Variants in FBXL2 observed in about 807,000 individuals in gnomAD.
FBXL2 encodes F-box/LRR-repeat protein 2.
Under a neutral mutation model 69.2 loss-of-function variants are expected in FBXL2, and 38 were observed. That is an observed-to-expected ratio of 0.55 (90% CI 0.42 to 0.72). The LOEUF is 0.72. FBXL2 is among the 30% of genes least tolerant of loss of function. FBXL2 has a pLI of 0.00. For synonymous variants in FBXL2, 192 were observed against 201.3 expected (o/e 0.95, Z 0.39); for missense variants, 354 against 520.3 (o/e 0.68, Z 3.11).
intron 2 of FBXL2, chr3:33,297,954 T>G (rs1253610444): frequency 1.8e-6 from 1 of 565,430 alleles, no homozygotes; most frequent in Non-Finnish European, 3.3e-6. Flanking sequence ...GGATTCTTTT[T>G]GTAATGTGGT....
chr3:33,371,350 T>TA (rs1472129628), intron 5 of FBXL2, among the ~76,000 whole-genome samples: 1 of 147,810 alleles, frequency 6.8e-6, no homozygotes. Context: ...TTTTTTTTTT[T>TA]AGTAGAGACA....
chr3:33,395,267 A>G (rs2043929451), intron 12 of FBXL2, among the ~76,000 whole-genome samples: 1 of 151,784 alleles, frequency 6.6e-6, no homozygotes, highest in Admixed American at 6.6e-5. Flanking sequence ...ACCACAAGAC[A>G]TTTTTCAGAG....
chr3:33,378,834 G>A (rs775304700), intron 13 of FBXL2, 93 bp downstream of exon 13: 1 of 1,605,836 alleles, frequency 6.2e-7, no homozygotes. Context: ...CTTTCTGTAA[G>A]GTATCATCTC....
chr3:33,392,739 T>G, downstream of FBXL2: 1 of 857,600 alleles, frequency 1.2e-6, no homozygotes. Flanking sequence ...CGATAATTCA[T>G]GAAGGCAGTG....
chr3:33,364,536 A>C (rs2041830630), intron 4 of FBXL2, 89 bp from the exon 5 acceptor site: 1 of 1,137,980 alleles, frequency 8.8e-7, no homozygotes, highest in South Asian at 1.3e-5. Flanking sequence ...GGAAAAATAT[A>C]TTCAGTTCCT....
In FBXL2 at chr3:33,387,642, A is replaced by C. The variant is rs1264274926; in HGVS notation, c.*2034A>C. On this transcript the variant is annotated 3_prime_UTR_variant, in exon 15 of 15. Coordinates refer to ENST00000484457, the MANE Select transcript of FBXL2 (RefSeq NM_012157.5). ...CAAAACAAACAAACAAACAAAACAA[A>C]CCACCAGAGCCTTCTATACATGATT... 1 of 144,460 alleles carries C rather than the reference A, an allele frequency of 6.9e-6. No homozygotes were observed. Among genetic ancestry groups the C allele is most frequent in the Non-Finnish European group, 1.5e-5 (1 of 65,700 alleles). 8.9% of individuals were successfully genotyped at this position (144,460 alleles called of 1,614,324 possible).
chr3:33,295,830 T>G (rs937183808), intron 1 of FBXL2, among the ~76,000 whole-genome samples: 7 of 152,242 alleles, frequency 4.6e-5, no homozygotes, highest in African/African-American at 1.7e-4. Context: ...TACCCTTACG[T>G]TGAACATCTT....
chr3:33,416,663 TACA>T, the FBXL2 span: 22 of 972,788 alleles, frequency 2.3e-5, no homozygotes, highest in Non-Finnish European at 3.2e-5. Flanking sequence ...AAAGTTGTAA[TACA>T]ACAATTATTG....
At chr3:33,336,985 GCCTGA>G (rs1258376766) in intron 2 of FBXL2, among the ~76,000 whole-genome samples, 1 of 151,918 alleles carries the variant, frequency 6.6e-6, no homozygotes, top group East Asian at 1.9e-4. Flanking sequence ...TGGGCGGATT[GCCTGA>G]GCTCAGGAGT....
chr3:33,410,602 T>C, the FBXL2 span, among the ~76,000 whole-genome samples: 8 of 152,242 alleles, frequency 5.3e-5, no homozygotes. Context: ...TTTCCTTTTC[T>C]ATATATTACC....
At chr3:33,285,446 C>G (rs1174227252) in intron 1 of FBXL2, among the ~76,000 whole-genome samples, 1 of 152,148 alleles carries the variant, frequency 6.6e-6, no homozygotes, top group Non-Finnish European at 1.5e-5. Flanking sequence ...GTGGGTAACC[C>G]GACCTTTCTC....
chr3:33,317,923 CAGCCCAT>C, intron 2 of FBXL2, among the ~76,000 whole-genome samples: 1 of 152,152 alleles, frequency 6.6e-6, no homozygotes, highest in South Asian at 2.1e-4. Context: ...TAGGGATACT[CAGCCCAT>C]ACTTATTTCA....
chr3:33,349,223 G>T (rs2040659899), intron 2 of FBXL2, among the ~76,000 whole-genome samples: 3 of 152,164 alleles, frequency 2.0e-5, no homozygotes, highest in Non-Finnish European at 4.4e-5. Flanking sequence ...CATTCAGTAT[G>T]ATACTAGCTG....
chr3:33,409,388 C>G, the FBXL2 span: 2 of 1,613,892 alleles, frequency 1.2e-6, no homozygotes, highest in Non-Finnish European at 1.7e-6. Flanking sequence ...AGGCTGCAGA[C>G]ACACAGCTTT....
At chr3:33,317,919 TAC>T in intron 2 of FBXL2, among the ~76,000 whole-genome samples, 1 of 152,240 alleles carries the variant, frequency 6.6e-6, no homozygotes, top group South Asian at 2.1e-4. Flanking sequence ...GGATTAGGGA[TAC>T]TCAGCCCATA....
In FBXL2 at chr3:33,341,217, C is replaced by G. The variant is rs761483977; in HGVS notation, c.66-17750C>G. Among the ~76,000 whole-genome samples the G allele has an allele frequency of 6.5e-4, 99 of 152,086 alleles. 1 individual carries two copies. Among genetic ancestry groups the G allele is most frequent in the Non-Finnish European group, 3.5e-4 (24 of 68,018 alleles). On this transcript the variant is annotated intron_variant, in intron 2 of 14. Coordinates refer to ENST00000484457, the MANE Select transcript of FBXL2 (RefSeq NM_012157.5). ...CTGAAATTGATCAATTTTATAGATC[C>G]AACTACCAATTTGTAGAAAATACAG...
chr3:33,302,842 G>A (rs578228303), intron 2 of FBXL2, among the ~76,000 whole-genome samples: 2 of 152,274 alleles, frequency 1.3e-5, no homozygotes, highest in South Asian at 4.1e-4. Flanking sequence ...AACAGTTTTA[G>A]TAGTTGAATT....
intron 4 of FBXL2, among the ~76,000 whole-genome samples, chr3:33,363,375 T>C (rs1027156745): frequency 1.9e-4 from 29 of 152,352 alleles, no homozygotes; most frequent in Admixed American, 6.5e-5. Flanking sequence ...GAATTCATCA[T>C]GCTTACAGTT....
At chr3:33,322,865 G>A (rs1226078411) in intron 2 of FBXL2, among the ~76,000 whole-genome samples, 1 of 152,048 alleles carries the variant, frequency 6.6e-6, no homozygotes, top group Admixed American at 6.6e-5. Context: ...GTATGATGAA[G>A]TCTACTATGT....
Sources: gnomAD v4.1 joint callset for allele counts (sites outside exome capture counted in the v4.1 genomes callset) on GRCh38, gnomAD v4.1.1 for gene constraint, MANE v1.5 for transcripts, NCBI Gene and HGNC (gene_info 2026-07-23, HGNC 2026-07-21) for gene names.